Variants in CADM2 observed in about 807,000 individuals in gnomAD.
CADM2 encodes the protein immunoglobulin superfamily member 4D.
CADM2 carries 12 observed loss-of-function variants against 49.8 expected under a neutral mutation model. That is an observed-to-expected ratio of 0.24 (90% CI 0.15 to 0.39). CADM2 has a LOEUF of 0.39. CADM2 is among the 10% of genes least tolerant of loss of function. The pLI, the probability that CADM2 is intolerant of heterozygous loss-of-function variation, is 1.00. For synonymous variants in CADM2, 214 were observed against 175.4 expected, an observed-to-expected ratio of 1.22 and a Z score of -1.74; for missense variants, 378 against 492.3, an observed-to-expected ratio of 0.77 and a Z score of 2.20.
At chr3:85,637,799 T>G (rs1449232998) in intron 1 of CADM2, among the ~76,000 whole-genome samples, 1 of 152,066 alleles carries the variant, frequency 6.6e-6, no homozygotes, top group African/African-American at 2.4e-5. Flanking sequence ...ATAATGTCCC[T>G]ACCATTCAAG....
chr3:85,226,512 T>C (rs1298093071), intron 1 of CADM2, among the ~76,000 whole-genome samples: 16 of 152,158 alleles, frequency 1.1e-4, no homozygotes, highest in Admixed American at 1.0e-3. Flanking sequence ...TTCTTCTCTC[T>C]TCTCTTCTTT....
At chr3:85,970,452 G>A (rs1725982089) in intron 8 of CADM2, among the ~76,000 whole-genome samples, 1 of 151,358 alleles carries the variant, frequency 6.6e-6, no homozygotes, top group African/African-American at 2.4e-5. Context: ...TGTGTTCTAA[G>A]GATATGTCAA....
chr3:85,565,631 G>GA (rs554862355), intron 1 of CADM2, among the ~76,000 whole-genome samples: 5 of 151,800 alleles, frequency 3.3e-5, no homozygotes, highest in African/African-American at 9.7e-5. Flanking sequence ...TCTCTAAGAG[G>GA]AAAAAAATGC....
intron 1 of CADM2, among the ~76,000 whole-genome samples, chr3:85,657,150 G>A (rs1315928607): frequency 6.6e-6 from 1 of 152,008 alleles, no homozygotes; most frequent in Non-Finnish European, 1.5e-5. Flanking sequence ...CTCCTTCTTT[G>A]AATCTTTTGC....
intron 1 of CADM2, among the ~76,000 whole-genome samples, chr3:85,148,058 C>T (rs948308022): frequency 6.6e-6 from 1 of 152,176 alleles, no homozygotes; most frequent in African/African-American, 2.4e-5. Context: ...TTGTAGTACT[C>T]ACAATTTTAT....
intron 1 of CADM2, among the ~76,000 whole-genome samples, chr3:85,025,795 T>C (rs563008675): frequency 2.0e-5 from 3 of 152,056 alleles, no homozygotes; most frequent in Non-Finnish European, 4.4e-5. Context: ...ATTCTGAATG[T>C]TTTCGCTATA....
chr3:85,522,299 CA>C (rs751470249), intron 1 of CADM2, among the ~76,000 whole-genome samples: 11 of 152,026 alleles, frequency 7.2e-5, no homozygotes, highest in Non-Finnish European at 1.5e-4. Flanking sequence ...GAAAATATTT[CA>C]AAACTTATTT....
At chr3:85,960,199 T>C (rs1724643088) in intron 7 of CADM2, among the ~76,000 whole-genome samples, 1 of 151,968 alleles carries the variant, frequency 6.6e-6, no homozygotes, top group Non-Finnish European at 1.5e-5. Context: ...TTGTTATTAT[T>C]TTTCACAACT....
At position 86,023,947 on chromosome 3, in the gene CADM2, G is replaced by A. The variant is rs529428346; in HGVS notation, c.971-41658G>A. 1.9e-4 allele frequency among the ~76,000 whole-genome samples: 29 copies of A among 152,288 alleles called. No homozygotes were observed. In the South Asian group the frequency reaches 5.6e-3, roughly 29 times the overall value. Reference sequence around the variant, plus strand: ...CCCACTGAATCTTGAATTACTGGAAGTAAATTTATTAAGCACTTTCACATT... The same window carrying A: ...CCCACTGAATCTTGAATTACTGGAAATAAATTTATTAAGCACTTTCACATT... On this transcript the variant is annotated intron_variant, in intron 8 of 9. Transcript: ENST00000383699.
At chr3:85,790,783 C>T (rs2071277068) in intron 2 of CADM2, among the ~76,000 whole-genome samples, 1 of 152,144 alleles carries the variant, frequency 6.6e-6, no homozygotes. Context: ...ACCCAGCTGC[C>T]AGCCAGCTTT....
chr3:85,548,349 A>AT (rs763431884), intron 1 of CADM2, among the ~76,000 whole-genome samples: 3 of 149,442 alleles, frequency 2.0e-5, no homozygotes, highest in Non-Finnish European at 4.5e-5. Context: ...ATAACATGCC[A>AT]TAGTCTAAGA....
chr3:85,208,500 G>A (rs1184868106), intron 1 of CADM2, among the ~76,000 whole-genome samples: 1 of 151,966 alleles, frequency 6.6e-6, no homozygotes, highest in Non-Finnish European at 1.5e-5. Context: ...ATTTGCAGGG[G>A]GTGAAGATTT....
At chr3:85,937,073 G>A (rs143135318) in intron 7 of CADM2, among the ~76,000 whole-genome samples, 314 of 151,806 alleles carry the variant, frequency 2.1e-3, no homozygotes, top group African/African-American at 7.3e-3. Flanking sequence ...GTCTTACAAC[G>A]ATTCTTTGAT....
chr3:86,071,629 C>T lies in CADM2; in HGVS notation c.*4846C>T, dbSNP rs1693094783. 2.0e-5 allele frequency: 3 copies of T among 151,986 alleles called. No homozygotes were observed. The South Asian group carries it at 6.2e-4, about 32-fold the overall frequency. The allele number at this position is 151,986 out of a possible 1,614,324, so 9.4% of individuals were successfully genotyped here. ...GGAAATAATTATTTACCAGATATCC[C>T]AGGAAGCATTCTTATGGAACTATTA... On this transcript the variant is annotated 3_prime_UTR_variant, in exon 10 of 10. Transcript: ENST00000383699.
chr3:85,449,052 A>AAAAAAAAAAAAT (rs71617939), intron 1 of CADM2, among the ~76,000 whole-genome samples: 58 of 107,430 alleles, frequency 5.4e-4, no homozygotes, highest in Non-Finnish European at 9.6e-4. Context: ...TCCAACTCAA[A>AAAAAAAAAAAAT]AATAATAATA....
intron 2 of CADM2, among the ~76,000 whole-genome samples, chr3:85,744,511 T>A (rs2107836328): frequency 6.6e-6 from 1 of 150,994 alleles, no homozygotes; most frequent in East Asian, 1.9e-4. Context: ...CCACAAAAAA[T>A]AAAAAAATAT....
In CADM2 at chr3:85,190,790, C is replaced by T. The variant is rs149108281; in HGVS notation, c.61+231122C>T. Among the ~76,000 whole-genome samples the T allele has an allele frequency of 3.0e-4, 46 of 152,144 alleles. No individual in the cohort carries two copies. In the East Asian group the frequency reaches 8.3e-3, roughly 27 times the overall value. ...GAATGTAGTGATTATACTTTCTTAC[C>T]GAGTTCATAAGTTTTAATTTCCCTT... On this transcript the variant is annotated intron_variant, in intron 1 of 9. Coordinates refer to ENST00000383699, the MANE Select transcript of CADM2 (RefSeq NM_001167675.2).
intron 2 of CADM2, among the ~76,000 whole-genome samples, chr3:85,752,869 T>C (rs777541556): frequency 3.9e-5 from 6 of 151,944 alleles, no homozygotes; most frequent in South Asian, 2.1e-4. Context: ...CCAAAAAACA[T>C]TGGCCAATTA....
At chr3:85,866,082 G>A (rs757250920) in intron 3 of CADM2, among the ~76,000 whole-genome samples, 1 of 152,088 alleles carries the variant, frequency 6.6e-6, no homozygotes, top group African/African-American at 2.4e-5. Context: ...AGGTTGCAGT[G>A]AGCCCACATG....
Sources: gnomAD v4.1 joint callset for allele counts (sites outside exome capture counted in the v4.1 genomes callset) on GRCh38, gnomAD v4.1.1 for gene constraint, MANE v1.5 for transcripts, NCBI Gene and HGNC (gene_info 2026-07-23, HGNC 2026-07-21) for gene names.